The following RAPH1 variants were observed in gnomAD, a reference collection of about 807,000 sequenced individuals.
RAPH1 encodes the protein Ras association (RalGDS/AF-6) and pleckstrin homology domains 1.
A neutral mutation model predicts 88.1 loss-of-function variants in RAPH1; 18 were observed. That is an observed-to-expected ratio of 0.20 (90% CI 0.14 to 0.30). The LOEUF (loss-of-function observed/expected upper bound fraction) is 0.30. RAPH1 is among the 10% of genes least tolerant of loss of function. RAPH1 has a pLI of 1.00. For synonymous variants in RAPH1, 587 were observed against 559.0 expected, an observed-to-expected ratio of 1.05 and a Z score of -0.71; for missense variants, 1,448 against 1,543.2, an observed-to-expected ratio of 0.94 and a Z score of 1.03.
chr2:203,482,128 T>C (rs1687757939), intron 4 of RAPH1, among the ~76,000 whole-genome samples: 1 of 152,182 alleles, frequency 6.6e-6, no homozygotes, highest in Admixed American at 6.5e-5. Context: ...ATTAGGCTTT[T>C]CCCCTGGATT....
intron 1 of RAPH1, among the ~76,000 whole-genome samples, chr2:203,508,202 A>G (rs1689176163): frequency 1.4e-5 from 2 of 147,876 alleles, no homozygotes; most frequent in Non-Finnish European, 3.0e-5. Flanking sequence ...AGCCTGGGCA[A>G]CAGAGCAAGA....
intron 1 of RAPH1, among the ~76,000 whole-genome samples, chr2:203,527,303 A>G (rs1690165154): frequency 6.6e-6 from 1 of 152,192 alleles, no homozygotes. Flanking sequence ...CACCTGTCAG[A>G]GAATCACACA....
Position 203,444,985 on chromosome 2 carries a change from C to G in RAPH1, c.1659G>C (p.Gln553His). The change falls in exon 13 of 14, where the codon CAG becomes CAC. Residue 553 changes from glutamine (Q) to histidine (H), a missense_variant. Gln to His is a conservative substitution (Grantham distance 24). This residue lies in a region of RAPH1 where 935 missense variants were observed against 890.1 expected (regional missense o/e 1.05). Coordinates refer to ENST00000319170, the MANE Select transcript of RAPH1 (RefSeq NM_213589.3). ...IPESQSNHSNQSDSGVSDTQP... is the reference protein window; with the variant it reads ...IPESQSNHSNHSDSGVSDTQP... ...GGGTGTCAGAAACTCCGCTATCAGA[C>G]TGATTGGAGTGGTTTGACTGAGACT... 1 of 1,614,056 alleles carries G rather than the reference C, an allele frequency of 6.2e-7. No individual in the cohort carries two copies. The highest frequency in any genetic ancestry group is 1.1e-5 in the South Asian group (1 of 91,046).
At chr2:203,488,846 G>C (rs905354592) in intron 4 of RAPH1, among the ~76,000 whole-genome samples, 1 of 151,866 alleles carries the variant, frequency 6.6e-6, no homozygotes, top group African/African-American at 2.4e-5. Flanking sequence ...ATGGAGGGCC[G>C]GGCACAGTGG....
chr2:203,528,449 T>C (rs1170186162), intron 1 of RAPH1, among the ~76,000 whole-genome samples: 1 of 152,182 alleles, frequency 6.6e-6, no homozygotes, highest in Non-Finnish European at 1.5e-5. Context: ...AGAACAAACT[T>C]TGTACTAGCC....
intron 4 of RAPH1, among the ~76,000 whole-genome samples, chr2:203,466,306 T>C (rs1324110021): frequency 1.3e-5 from 2 of 152,210 alleles, no homozygotes; most frequent in Non-Finnish European, 2.9e-5. Flanking sequence ...AATATTTTTA[T>C]GCTTCCTGTG....
At chr2:203,455,255 CAG>C (rs1289239694) in intron 9 of RAPH1, among the ~76,000 whole-genome samples, 180 bp downstream of exon 9, 1 of 152,148 alleles carries the variant, frequency 6.6e-6, no homozygotes, top group Non-Finnish European at 1.5e-5. Context: ...AACTAGTGAC[CAG>C]AGAAGTAAGA....
intron 1 of RAPH1, among the ~76,000 whole-genome samples, chr2:203,512,169 C>T (rs1015668548): frequency 2.6e-5 from 4 of 151,364 alleles, no homozygotes; most frequent in African/African-American, 9.7e-5. Context: ...TGGCTCACAC[C>T]TATAATCTCA....
chr2:203,488,179 T>A (rs1688058794), intron 4 of RAPH1, among the ~76,000 whole-genome samples: 1 of 152,204 alleles, frequency 6.6e-6, no homozygotes, highest in African/African-American at 2.4e-5. Context: ...TTGTTGAACT[T>A]GTTACCGCAA....
rs1373285854 is a variant in RAPH1, at chr2:203,434,424, T to A, written c.*5013A>T. The A allele has an allele frequency of 6.5e-6, 1 of 152,674 alleles. No homozygotes were observed. The highest frequency in any genetic ancestry group is 2.4e-5 in the African/African-American group (1 of 41,470). 9.5% of individuals were successfully genotyped at this position (152,674 alleles called of 1,614,324 possible). ...CCCCTTTAACAGTAAACAATGTTTT[T>A]AAAACACTTAGCACAAGCTAATTTT... is the stretch of plus-strand genomic sequence containing the variant. On this transcript the variant is annotated 3_prime_UTR_variant, in exon 14 of 14. Transcript: ENST00000319170.
At chr2:203,451,378 G>A (rs919806597) in intron 10 of RAPH1, among the ~76,000 whole-genome samples, 18 of 152,254 alleles carry the variant, frequency 1.2e-4, no homozygotes, top group Middle Eastern at 3.4e-3. Context: ...AATTGCTTCC[G>A]ATAAGTGAAA....
Position 203,440,127 on chromosome 2 carries a change from A to G in RAPH1, c.3063T>C (p.Pro1021=). The G allele has an allele frequency of 6.2e-7, 1 of 1,613,404 alleles. No individual in the cohort carries two copies. Among genetic ancestry groups the G allele is most frequent in the Non-Finnish European group, 8.5e-7 (1 of 1,179,940 alleles). ...GTTTTCCAGGCTTGGGGGGTGCTGC[A>G]GGAGGTGGTAGGGTCTCCTTGCTGG... The part of the protein sequence containing the change: ...GSPSKETLPP[P]AAPPKPGKLN... Residue 1021 remains proline, a synonymous_variant, in exon 14 of 14, where the codon CCT becomes CCC. Transcript: ENST00000319170.
intron 4 of RAPH1, among the ~76,000 whole-genome samples, chr2:203,470,033 G>T (rs994238565): frequency 4.6e-5 from 7 of 152,086 alleles, no homozygotes; most frequent in Admixed American, 2.6e-4. Context: ...AAAAACTAAT[G>T]AAAATTACTG....
At chr2:203,452,312 G>A (rs1373104552) in intron 10 of RAPH1, among the ~76,000 whole-genome samples, 1 of 152,166 alleles carries the variant, frequency 6.6e-6, no homozygotes, top group Non-Finnish European at 1.5e-5. Context: ...TGACCTTCAT[G>A]CTATTTCTTA....
chr2:203,487,842 T>C (rs962292785), intron 4 of RAPH1, among the ~76,000 whole-genome samples: 2 of 152,118 alleles, frequency 1.3e-5, no homozygotes, highest in African/African-American at 2.4e-5. Context: ...CCTTTTGTGC[T>C]CCACAGTACC....
intron 13 of RAPH1, 35 bp downstream of exon 13, chr2:203,444,833 A>C: frequency 6.2e-7 from 1 of 1,602,926 alleles, no homozygotes; most frequent in South Asian, 1.1e-5. Context: ...AGAATACCAC[A>C]GAATTTTCAA....
chr2:203,516,621 C>A (rs1689621418), intron 1 of RAPH1, among the ~76,000 whole-genome samples: 1 of 152,014 alleles, frequency 6.6e-6, no homozygotes, highest in African/African-American at 2.4e-5. Context: ...TGATGGTGTG[C>A]ATCTGTAATC....
chr2:203,455,048 C>A (rs1394095038), intron 9 of RAPH1, among the ~76,000 whole-genome samples: 2 of 152,026 alleles, frequency 1.3e-5, no homozygotes, highest in Non-Finnish European at 2.9e-5. Context: ...CCAATAAGCA[C>A]CGAAGTGATA....
Position 203,433,907 on chromosome 2 carries a change from G to A in RAPH1, c.*5530C>T, listed in dbSNP as rs928522963. 2.6e-5 allele frequency: 4 copies of A among 152,448 alleles called. No individual in the cohort carries two copies. Among genetic ancestry groups the A allele is most frequent in the Non-Finnish European group, 5.9e-5 (4 of 68,000 alleles). 9.4% of individuals were successfully genotyped at this position (152,448 alleles called of 1,614,324 possible). A position where few individuals can be genotyped will look rare whatever the true frequency, so the allele number is the denominator to read the frequency against. ...TGAAAAACATTTACACTGACTGTAC[G>A]ACTAGTGTGCTAAGCCATTACAATA... is the stretch of plus-strand genomic sequence containing the variant. On this transcript the variant is annotated 3_prime_UTR_variant, in exon 14 of 14. Transcript: ENST00000319170.
Sources: gnomAD v4.1 joint callset for allele counts (sites outside exome capture counted in the v4.1 genomes callset) on GRCh38, gnomAD v4.1.1 for gene constraint, gnomAD v4.1.1 regional missense constraint, MANE v1.5 for transcripts, NCBI Gene and HGNC (gene_info 2026-07-23, HGNC 2026-07-21) for gene names.